THSD7A: variants seen among roughly 807,000 people sequenced by gnomAD.
THSD7A encodes thrombospondin type-1 domain-containing protein 7A.
In THSD7A, 96 loss-of-function variants were observed where a neutral mutation model predicts 231.3. That is an observed-to-expected ratio of 0.41 (90% confidence interval 0.35 to 0.49). The LOEUF (loss-of-function observed/expected upper bound fraction) is 0.49. Among genes scored for constraint, THSD7A ranks in the 20% least tolerant of loss-of-function variants. THSD7A has a pLI of 0.05. For synonymous variants in THSD7A, 940 were observed against 743.3 expected (o/e 1.26, Z -4.30); for missense variants, 2,290 against 2,070.2 (o/e 1.11, Z -2.06).
At chr7:11,509,981 A>G (rs1010213157) in intron 6 of THSD7A, among the ~76,000 whole-genome samples, 2 of 152,082 alleles carry the variant, frequency 1.3e-5, no homozygotes, top group Non-Finnish European at 2.9e-5. Context: ...TGATCATTAC[A>G]TAATGTATAC....
intron 1 of THSD7A, among the ~76,000 whole-genome samples, chr7:11,827,102 C>A (rs957429676): frequency 6.6e-6 from 1 of 152,108 alleles, no homozygotes; most frequent in East Asian, 1.9e-4. Context: ...CTCCTAGGTT[C>A]AAGCAATCCT....
chr7:11,711,032 G>A (rs1434802125), intron 1 of THSD7A, among the ~76,000 whole-genome samples: 3 of 150,884 alleles, frequency 2.0e-5, no homozygotes, highest in Non-Finnish European at 4.5e-5. Flanking sequence ...GAGCAAAGAA[G>A]GAAAATGCAT....
At position 11,831,927 on chromosome 7, in the gene THSD7A, C is replaced by T. The variant is rs565306602; in HGVS notation, c.20G>A (p.Arg7His). 4.0e-6 allele frequency: 5 copies of T among 1,235,298 alleles called. No individual in the cohort carries two copies. Among genetic ancestry groups the T allele is most frequent in the Non-Finnish European group, 5.0e-6 (5 of 992,596 alleles). The allele number at this position is 1,235,298 out of a possible 1,614,324, so 76.5% of individuals were successfully genotyped here. Residue 7 changes from arginine to histidine, a missense_variant, in exon 1 of 28, where the codon CGC (arginine) becomes CAC (histidine). By Grantham distance (29) the Arg-to-His change is conservative. Transcript: ENST00000423059. This position sits in a 1 kb window ranked among gnomAD's most constrained non-coding sequence, Gnocchi z 5.0. Reference protein sequence around the residue: MGLQARRWASGSRGAAG... With the variant: MGLQARHWASGSRGAAG... ...AGCGCCCCGGCTCCCGGACGCCCAG[C>T]GCCTGGCTTGCAGCCCCATGCCGCC...
intron 2 of THSD7A, among the ~76,000 whole-genome samples, chr7:11,595,125 C>G (rs1460531613): frequency 6.6e-6 from 1 of 152,174 alleles, no homozygotes; most frequent in Non-Finnish European, 1.5e-5. Flanking sequence ...ATGGCCTCCC[C>G]TGAGGCAGTT....
At chr7:11,378,949 A>G in intron 26 of THSD7A, 121 bp downstream of exon 26, 1 of 862,174 alleles carries the variant, frequency 1.2e-6, no homozygotes, top group Non-Finnish European at 1.8e-6. Context: ...TATCAGAATA[A>G]ATGCATGTAG....
At chr7:11,650,402 C>T (rs1425504142) in intron 1 of THSD7A, among the ~76,000 whole-genome samples, 1 of 152,062 alleles carries the variant, frequency 6.6e-6, no homozygotes, top group Non-Finnish European at 1.5e-5. Flanking sequence ...ATCTACAATG[C>T]ATCCCAAGAT....
chr7:11,731,170 C>G (rs553466537), intron 1 of THSD7A, among the ~76,000 whole-genome samples: 87 of 151,528 alleles, frequency 5.7e-4, no homozygotes, highest in Non-Finnish European at 9.8e-4. Flanking sequence ...CAGTAAATCC[C>G]TTATTTCCTT....
At chr7:11,739,114 C>T (rs910440972) in intron 1 of THSD7A, among the ~76,000 whole-genome samples, 2 of 151,930 alleles carry the variant, frequency 1.3e-5, no homozygotes, top group Non-Finnish European at 2.9e-5. Context: ...ATGAAGAAAA[C>T]AAACCTTGAA....
intron 1 of THSD7A, among the ~76,000 whole-genome samples, chr7:11,650,747 C>T (rs546288524): frequency 1.3e-5 from 2 of 152,124 alleles, no homozygotes; most frequent in South Asian, 4.1e-4. Context: ...GAGGTGGAGC[C>T]AAGAGGATGC....
At chr7:11,748,060 T>C (rs967328909) in intron 1 of THSD7A, among the ~76,000 whole-genome samples, 2 of 151,892 alleles carry the variant, frequency 1.3e-5, no homozygotes, top group African/African-American at 4.8e-5. Context: ...GAATTCTAAA[T>C]AGGGAAGTTA....
intron 13 of THSD7A, among the ~76,000 whole-genome samples, chr7:11,440,183 T>C: frequency 6.6e-6 from 1 of 152,020 alleles, no homozygotes; most frequent in African/African-American, 2.4e-5. Context: ...GTTTATAGCA[T>C]GGTTTACTGA....
chr7:11,532,509 T>C (rs573012859), intron 6 of THSD7A, among the ~76,000 whole-genome samples: 19 of 152,272 alleles, frequency 1.2e-4, no homozygotes, highest in Non-Finnish European at 2.2e-4. Flanking sequence ...TTAAATCATT[T>C]GCCATAATTC....
chr7:11,613,137 G>C (rs976381966), intron 2 of THSD7A, among the ~76,000 whole-genome samples: 2 of 152,166 alleles, frequency 1.3e-5, no homozygotes, highest in African/African-American at 4.8e-5. Flanking sequence ...TAAAAATTCA[G>C]GGGATTCCCA....
chr7:11,739,305 T>A (rs1782025362), intron 1 of THSD7A, among the ~76,000 whole-genome samples: 1 of 151,952 alleles, frequency 6.6e-6, no homozygotes, highest in South Asian at 2.1e-4. Flanking sequence ...GGAATTAAAA[T>A]TTAAGACAGT....
chr7:11,533,248 C>A (rs1788777678), intron 6 of THSD7A, among the ~76,000 whole-genome samples: 1 of 152,048 alleles, frequency 6.6e-6, no homozygotes, highest in African/African-American at 2.4e-5. Context: ...GTCCAGAGGC[C>A]AACTGAGAAA....
At position 11,420,636 on chromosome 7, in the gene THSD7A, G is replaced by A. The variant is rs534439946; in HGVS notation, c.3384-3033C>T. On this transcript the variant is annotated intron_variant, in intron 16 of 27. Transcript: ENST00000423059. ...CCCCCCCACACAGAGTCCCCACTGG[G>A]GCACTGTCTAGTGGAGCTGTGGAAG... Among the ~76,000 whole-genome samples the A allele has an allele frequency of 6.4e-4, 97 of 152,324 alleles. 1 individual carries two copies. Among genetic ancestry groups the A allele is most frequent in the African/African-American group, 2.3e-3 (96 of 41,586 alleles).
At chr7:11,686,929 T>C (rs1175339565) in intron 1 of THSD7A, among the ~76,000 whole-genome samples, 8 of 151,878 alleles carry the variant, frequency 5.3e-5, no homozygotes, top group African/African-American at 1.9e-4. Flanking sequence ...ATACAATATA[T>C]CCAGGTAACA....
At chr7:11,614,285 C>T (rs1337948275) in intron 2 of THSD7A, among the ~76,000 whole-genome samples, 2 of 152,184 alleles carry the variant, frequency 1.3e-5, no homozygotes, top group Admixed American at 6.5e-5. Flanking sequence ...AGCGCTTCCA[C>T]TAGGAGACAA....
intron 1 of THSD7A, among the ~76,000 whole-genome samples, chr7:11,643,912 A>G (rs1486613043): frequency 6.6e-6 from 1 of 152,006 alleles, no homozygotes; most frequent in African/African-American, 2.4e-5. Flanking sequence ...AAAATGTACC[A>G]GTTTGGCCTT....
Sources: gnomAD v4.1 joint callset for allele counts (sites outside exome capture counted in the v4.1 genomes callset) on GRCh38, gnomAD v4.1.1 for gene constraint, Gnocchi (gnomAD v3.1) non-coding constraint, MANE v1.5 for transcripts, NCBI Gene and HGNC (gene_info 2026-07-23, HGNC 2026-07-21) for gene names.